The following MRTFB variants were observed in gnomAD, a reference collection of about 807,000 sequenced individuals.
MRTFB encodes the protein myocardin-related transcription factor B.
A neutral mutation model predicts 104.2 loss-of-function variants in MRTFB; 29 were observed. That is an observed-to-expected ratio of 0.28 (90% CI 0.21 to 0.38). MRTFB has a LOEUF of 0.38. MRTFB is among the 10% of genes least tolerant of loss of function. The pLI is 1.00. For synonymous variants in MRTFB, 535 were observed against 519.5 expected (o/e 1.03, Z -0.41); for missense variants, 1,270 against 1,341.6 (o/e 0.95, Z 0.83).
chr16:14,214,788 G>T (rs761704423), intron 6 of MRTFB: 1 of 152,210 alleles, frequency 6.6e-6, no homozygotes. Context: ...GAACTTCGAA[G>T]CATCAAGGTG....
intron 2 of MRTFB, among the ~76,000 whole-genome samples, chr16:14,118,586 G>C (rs2036667552): frequency 6.6e-6 from 1 of 151,696 alleles, no homozygotes. Context: ...CGGATTGCTT[G>C]AGCTCAAGAG....
At chr16:14,143,778 A>G (rs967018244) in intron 3 of MRTFB, 2 of 151,802 alleles carry the variant, frequency 1.3e-5, no homozygotes, top group Admixed American at 1.3e-4. Flanking sequence ...TTGATTTGTC[A>G]TTGGTTGTTA....
chr16:14,184,446 T>G (rs2039876156), intron 3 of MRTFB, among the ~76,000 whole-genome samples: 1 of 152,164 alleles, frequency 6.6e-6, no homozygotes, highest in Non-Finnish European at 1.5e-5. Context: ...GGTCTCAAAC[T>G]CCTGACCTCA....
chr16:14,230,683 TG>T (rs1383742739), intron 8 of MRTFB, among the ~76,000 whole-genome samples: 1 of 152,194 alleles, frequency 6.6e-6, no homozygotes, highest in Non-Finnish European at 1.5e-5. Flanking sequence ...ACACTGTTGG[TG>T]GGACTGTAAA....
intron 10 of MRTFB, among the ~76,000 whole-genome samples, chr16:14,243,252 C>A (rs1243383531): frequency 6.6e-6 from 1 of 152,174 alleles, no homozygotes; most frequent in East Asian, 1.9e-4. Context: ...TATTTAACTT[C>A]AACAAAATTC....
intron 3 of MRTFB, among the ~76,000 whole-genome samples, chr16:14,196,137 G>GA (rs1243581162): frequency 2.6e-5 from 4 of 152,150 alleles, no homozygotes; most frequent in Admixed American, 2.6e-4. Flanking sequence ...TTGTGTGAAG[G>GA]TATGATGAGT....
chr16:14,126,199 TC>T (rs1465896442), intron 2 of MRTFB, among the ~76,000 whole-genome samples: 1 of 152,180 alleles, frequency 6.6e-6, no homozygotes, highest in Non-Finnish European at 1.5e-5. Flanking sequence ...GGTTTTTTTT[TC>T]CTTTTTAAAA....
At chr16:14,080,034 G>GC (rs2141853951) in intron 2 of MRTFB, among the ~76,000 whole-genome samples, 1 of 152,300 alleles carries the variant, frequency 6.6e-6, no homozygotes, top group South Asian at 2.1e-4. Flanking sequence ...TTTACTGGCT[G>GC]CCTAATGTTC....
the MRTFB span, among the ~76,000 whole-genome samples, chr16:14,031,475 G>A: frequency 6.6e-6 from 1 of 151,678 alleles, no homozygotes; most frequent in Admixed American, 6.6e-5. Context: ...ATCTTACTAC[G>A]TACTAGAAAA....
chr16:14,104,874 G>A (rs1360841686), intron 2 of MRTFB, among the ~76,000 whole-genome samples: 1 of 152,174 alleles, frequency 6.6e-6, no homozygotes, highest in African/African-American at 2.4e-5. Flanking sequence ...GGCCTGCCAT[G>A]TTGAAGACAT....
intron 8 of MRTFB, among the ~76,000 whole-genome samples, chr16:14,220,336 GT>G (rs1167929745): frequency 6.6e-6 from 1 of 152,182 alleles, no homozygotes; most frequent in East Asian, 1.9e-4. Flanking sequence ...CTCTGCTACT[GT>G]TTTGAGTAGG....
intron 8 of MRTFB, among the ~76,000 whole-genome samples, chr16:14,219,297 A>T (rs753681854): frequency 1.3e-5 from 2 of 152,168 alleles, no homozygotes; most frequent in Non-Finnish European, 2.9e-5. Flanking sequence ...TTATGTTTCA[A>T]ATTTATTGGG....
chr16:14,127,297 A>G (rs961602663), intron 2 of MRTFB, among the ~76,000 whole-genome samples: 1 of 152,340 alleles, frequency 6.6e-6, no homozygotes, highest in South Asian at 2.1e-4. Context: ...ACAATATTCA[A>G]AAAGATTTTC....
intron 3 of MRTFB, among the ~76,000 whole-genome samples, chr16:14,170,769 T>C (rs1337880082): frequency 6.6e-6 from 1 of 152,122 alleles, no homozygotes; most frequent in African/African-American, 2.4e-5. Flanking sequence ...CCATTTGCAT[T>C]CTAGAAATAT....
At position 14,261,598 on chromosome 16, in the gene MRTFB, T is replaced by A; in HGVS notation, c.*154T>A. 1.4e-6 allele frequency: 1 copy of A among 714,530 alleles called. No individual in the cohort carries two copies. Among genetic ancestry groups the A allele is most frequent in the Non-Finnish European group, 2.2e-6 (1 of 451,066 alleles). 44.3% of individuals were successfully genotyped at this position (714,530 alleles called of 1,614,324 possible). ...GGAAGGTCATAGCCTGGAACCCAAG[T>A]TTGAAAACATTTCATTGTGTTCAGT... On this transcript the variant is annotated 3_prime_UTR_variant, in exon 17 of 17. Transcript: ENST00000571589.
At chr16:14,070,676 T>C (rs1655273402), upstream of MRTFB, among the ~76,000 whole-genome samples, 2 of 152,224 alleles carry the variant, frequency 1.3e-5, no homozygotes, top group South Asian at 4.1e-4. Context: ...TCCTCTCACC[T>C]TGGTGAATGT....
At chr16:14,114,143 T>A (rs1157945305) in intron 2 of MRTFB, among the ~76,000 whole-genome samples, 2 of 152,248 alleles carry the variant, frequency 1.3e-5, no homozygotes, top group African/African-American at 4.8e-5. Flanking sequence ...TTGGAAACTT[T>A]AATGTTGCCA....
chr16:14,245,798 G>A (rs2042986273), intron 11 of MRTFB, 138 bp downstream of exon 11: 3 of 1,021,312 alleles, frequency 2.9e-6, no homozygotes, highest in Non-Finnish European at 4.2e-6. Flanking sequence ...TTTATAAAAG[G>A]TATTTTCTTT....
intron 1 of MRTFB, among the ~76,000 whole-genome samples, chr16:14,073,866 A>C (rs2033880494): frequency 6.6e-6 from 1 of 152,194 alleles, no homozygotes; most frequent in South Asian, 2.1e-4. Context: ...AGTAGTCCTC[A>C]TGGTGTGATT....
Sources: allele counts gnomAD v4.1 joint callset (sites outside exome capture counted in the v4.1 genomes callset), GRCh38; gene constraint gnomAD v4.1.1; transcripts MANE v1.5; gene names NCBI Gene and HGNC (gene_info 2026-07-23, HGNC 2026-07-21).